The following FRAS1 variants were observed in gnomAD, a reference collection of about 807,000 sequenced individuals.
FRAS1 encodes extracellular matrix organizing protein FRAS1.
FRAS1 carries 290 observed loss-of-function variants against 435.2 expected under a neutral mutation model. The ratio of observed to expected loss-of-function variants is 0.67; its 90% confidence interval spans 0.61 to 0.73. FRAS1 has a LOEUF of 0.73. FRAS1 is among the 30% of genes least tolerant of loss of function. The pLI is 0.00. For synonymous variants in FRAS1, 1,800 were observed against 1,851.0 expected, an observed-to-expected ratio of 0.97 and a Z score of 0.71; for missense variants, 4,860 against 5,001.5, an observed-to-expected ratio of 0.97 and a Z score of 0.85.
intron 67 of FRAS1, among the ~76,000 whole-genome samples, chr4:78,519,981 C>T (rs532623645): frequency 6.6e-6 from 1 of 152,282 alleles, no homozygotes; most frequent in East Asian, 1.9e-4. Context: ...TTTTAACCTT[C>T]CGAAGTCAAG....
intron 2 of FRAS1, among the ~76,000 whole-genome samples, chr4:78,236,098 A>G (rs906789014): frequency 3.9e-5 from 6 of 152,208 alleles, no homozygotes; most frequent in Non-Finnish European, 7.3e-5. Flanking sequence ...TTGGTTGCAA[A>G]TGCTTCTCAG....
intron 41 of FRAS1, among the ~76,000 whole-genome samples, chr4:78,442,576 G>A (rs1025879292): frequency 2.0e-5 from 3 of 152,318 alleles, no homozygotes; most frequent in Non-Finnish European, 2.9e-5. Flanking sequence ...TTCTCTCTGC[G>A]TGGTTTCTTA....
At chr4:78,105,412 C>T (rs576351094) in intron 2 of FRAS1, among the ~76,000 whole-genome samples, 1 of 152,102 alleles carries the variant, frequency 6.6e-6, no homozygotes, top group Non-Finnish European at 1.5e-5. Flanking sequence ...TTTTTTCTCT[C>T]TCAATATAAC....
At position 78,511,302 on chromosome 4, in the gene FRAS1, G is replaced by A. The variant is rs772909207; in HGVS notation, c.9809G>A (p.Arg3270Lys). 2.2e-5 allele frequency: 36 copies of A among 1,604,260 alleles called. No individual in the cohort carries two copies. The South Asian group carries it at 3.4e-4, about 15-fold the overall frequency. The part of the protein sequence containing the change: ...MVLDSIYFSR[R>K]FHVRCVAKAV... ...CTGGACAGCATTTACTTCAGCCGGA[G>A]GTTCCATGTGCGTTGTGTGGCCAAG... Residue 3270 changes from arginine (R) to lysine (K), a missense_variant, in exon 64 of 74, where the codon AGG (arginine) becomes AAG (lysine). By Grantham distance (26) the Arg-to-Lys change is conservative. Transcript: ENST00000512123.
At chr4:78,101,392 T>TGG (rs752777029) in intron 2 of FRAS1, among the ~76,000 whole-genome samples, 3 of 152,212 alleles carry the variant, frequency 2.0e-5, no homozygotes, top group Non-Finnish European at 4.4e-5. Flanking sequence ...GGAATTGTTT[T>TGG]GATGATAAAA....
chr4:78,103,077 G>A (rs1742213396), intron 2 of FRAS1, among the ~76,000 whole-genome samples: 2 of 152,136 alleles, frequency 1.3e-5, no homozygotes, highest in African/African-American at 2.4e-5. Context: ...AGACAAGTAA[G>A]AGCATCTTGG....
At chr4:78,103,575 C>T (rs1350759170) in intron 2 of FRAS1, among the ~76,000 whole-genome samples, 1 of 152,122 alleles carries the variant, frequency 6.6e-6, no homozygotes, top group Non-Finnish European at 1.5e-5. Context: ...TGTTGAAATC[C>T]TAACTCCTAA....
At chr4:78,380,343 T>TGGGAGTG (rs3086799) in intron 27 of FRAS1, among the ~76,000 whole-genome samples, 95,565 of 151,320 alleles carry the variant, frequency 0.63, 30,275 homozygotes, top group African/African-American at 0.66. Context: ...GGCAATGTAC[T>TGGGAGTG]GGCGACAGAG....
intron 2 of FRAS1, among the ~76,000 whole-genome samples, chr4:78,205,326 T>A (rs552484933): frequency 6.6e-6 from 1 of 152,148 alleles, no homozygotes; most frequent in Admixed American, 6.5e-5. Flanking sequence ...TTCAGCCTCC[T>A]GTGTAGCTGA....
chr4:78,187,284 C>T (rs922933192), intron 2 of FRAS1, among the ~76,000 whole-genome samples: 1 of 152,086 alleles, frequency 6.6e-6, no homozygotes, highest in Non-Finnish European at 1.5e-5. Flanking sequence ...TTAGCTTTGT[C>T]CTCATCAGCT....
At chr4:78,285,831 C>G (rs1418207823) in intron 13 of FRAS1, among the ~76,000 whole-genome samples, 1 of 152,134 alleles carries the variant, frequency 6.6e-6, no homozygotes. Context: ...AGGTGCCTAG[C>G]CTGATGTCTA....
Position 78,534,553 on chromosome 4 carries a change from T to C in FRAS1, c.11030T>C (p.Met3677Thr), listed in dbSNP as rs769476487. 21 of 1,613,600 alleles carry C rather than the reference T, an allele frequency of 1.3e-5. No individual in the cohort carries two copies. The South Asian group carries it at 2.3e-4, about 18-fold the overall frequency. Reference protein sequence around the residue: ...QLCNNEKVFLMDPNTSDMSLA... With the variant: ...QLCNNEKVFLTDPNTSDMSLA... The stretch of plus-strand genomic sequence containing the variant: ...TGCAATAATGAGAAGGTGTTCCTAA[T>C]GGATCCCAATACATCTGATATGTCA... Residue 3677 changes from methionine (M) to threonine (T), a missense_variant, in exon 71 of 74, where the codon ATG becomes ACG. By Grantham distance (81) the Met-to-Thr change is moderately conservative. Transcript: ENST00000512123.
At chr4:78,423,661 G>A (rs536923730) in intron 34 of FRAS1, among the ~76,000 whole-genome samples, 10 of 152,100 alleles carry the variant, frequency 6.6e-5, no homozygotes, top group African/African-American at 1.2e-4. Flanking sequence ...AAGTTTAATC[G>A]CCCAGAAAAC....
chr4:78,491,637 T>C (rs929910384), intron 59 of FRAS1, among the ~76,000 whole-genome samples: 25 of 152,194 alleles, frequency 1.6e-4, no homozygotes, highest in Non-Finnish European at 1.5e-5. Flanking sequence ...AAACTAGGTA[T>C]TGATGGAACA....
chr4:78,253,050 A>C (rs1478265820), intron 5 of FRAS1, among the ~76,000 whole-genome samples: 3 of 152,076 alleles, frequency 2.0e-5, no homozygotes, highest in Non-Finnish European at 4.4e-5. Flanking sequence ...ACCAGGGTGT[A>C]TTTCAGTCCT....
chr4:78,122,946 A>G (rs914685131), intron 2 of FRAS1, among the ~76,000 whole-genome samples: 8 of 152,096 alleles, frequency 5.3e-5, no homozygotes, highest in African/African-American at 9.7e-5. Context: ...CTCTGATGGT[A>G]GTTTCTTTTG....
In FRAS1 at chr4:78,541,748, G is replaced by A. The variant is rs924205671; in HGVS notation, c.*624G>A. On this transcript the variant is annotated 3_prime_UTR_variant, in exon 74 of 74. Transcript: ENST00000512123. ...TTAAGTAAAATCCTCTGAAAACCAC[G>A]GGAGCCTCTGCCTCCTCAGCCACAG... The A allele has an allele frequency of 2.0e-5, 3 of 152,084 alleles. No individual in the cohort carries two copies. The highest frequency in any genetic ancestry group is 4.8e-5 in the African/African-American group (2 of 41,384). 9.4% of individuals were successfully genotyped at this position (152,084 alleles called of 1,614,324 possible). A position where few individuals can be genotyped will look rare whatever the true frequency, so the allele number is the denominator to read the frequency against.
Position 78,057,909 on chromosome 4 carries a change from T to C in FRAS1, c.-101T>C. ...AGGTAAAGGCCCGCGGTCCCCCACC[T>C]TCAGTGCGCCCGGGTTCCAAGCGCC... On this transcript the variant is annotated 5_prime_UTR_variant, in exon 1 of 74. Coordinates refer to ENST00000512123, the MANE Select transcript of FRAS1 (RefSeq NM_025074.7). The surrounding 1 kb of genome is among the most constrained non-coding windows in gnomAD (Gnocchi z 4.2). 2.7e-6 allele frequency: 3 copies of C among 1,096,474 alleles called. No homozygotes were observed. In the South Asian group the frequency reaches 4.0e-5, roughly 15 times the overall value. 67.9% of individuals were successfully genotyped at this position (1,096,474 alleles called of 1,614,324 possible).
chr4:78,330,037 A>G (rs1360824165), intron 18 of FRAS1, among the ~76,000 whole-genome samples: 1 of 152,242 alleles, frequency 6.6e-6, no homozygotes, highest in African/African-American at 2.4e-5. Flanking sequence ...GCACATTTAT[A>G]TAAAAAGAAG....
Sources: allele counts gnomAD v4.1 joint callset (sites outside exome capture counted in the v4.1 genomes callset), GRCh38; gene constraint gnomAD v4.1.1; non-coding constraint Gnocchi (gnomAD v3.1); transcripts MANE v1.5; gene names NCBI Gene and HGNC (gene_info 2026-07-23, HGNC 2026-07-21).